Variants in ODAD2 observed in about 807,000 individuals in gnomAD.
ODAD2 encodes the protein outer dynein arm-docking complex subunit 2.
In ODAD2, 89 loss-of-function variants were observed where a neutral mutation model predicts 106.8. The ratio of observed to expected loss-of-function variants is 0.83; its 90% CI spans 0.70 to 0.99. ODAD2 has a LOEUF of 0.99. Among genes scored for constraint, ODAD2 ranks in the 50% least tolerant of loss-of-function variants. The pLI, the probability that ODAD2 is intolerant of heterozygous loss-of-function variation, is 0.00. For missense variants in ODAD2, 1,168 were observed against 1,238.5 expected (o/e 0.94, Z 0.85); for synonymous variants, 404 against 436.2 (o/e 0.93, Z 0.92).
At chr10:27,868,252 T>C (rs564896091) in intron 17 of ODAD2, among the ~76,000 whole-genome samples, 3 of 152,260 alleles carry the variant, frequency 2.0e-5, no homozygotes, top group Admixed American at 6.5e-5. Context: ...AGTTTAACCA[T>C]TGTGGAAGAC....
intron 19 of ODAD2, among the ~76,000 whole-genome samples, chr10:27,816,695 A>G (rs1168771262): frequency 6.6e-6 from 1 of 152,224 alleles, no homozygotes; most frequent in Non-Finnish European, 1.5e-5. Context: ...AGTATTGACA[A>G]GATCCATGGT....
chr10:27,846,493 C>A (rs1189069557), intron 19 of ODAD2, among the ~76,000 whole-genome samples: 1 of 151,148 alleles, frequency 6.6e-6, no homozygotes, highest in Non-Finnish European at 1.5e-5. Flanking sequence ...AATTGACACC[C>A]TAACATCACA....
chr10:27,899,383 G>A (rs1373824896), intron 17 of ODAD2, among the ~76,000 whole-genome samples: 1 of 152,064 alleles, frequency 6.6e-6, no homozygotes, highest in Non-Finnish European at 1.5e-5. Flanking sequence ...CAAAACTGGG[G>A]GGCCATTTCA....
chr10:27,960,636 C>T (rs1393096144), intron 10 of ODAD2, among the ~76,000 whole-genome samples: 1 of 152,022 alleles, frequency 6.6e-6, no homozygotes, highest in Non-Finnish European at 1.5e-5. Context: ...AGGTGTGAGC[C>T]ACTGCACCCT....
At chr10:27,904,964 A>C (rs945978350) in intron 17 of ODAD2, 4 of 152,282 alleles carry the variant, frequency 2.6e-5, no homozygotes, top group African/African-American at 9.7e-5. Context: ...TAACATAAAT[A>C]TTGTTTGTGT....
At chr10:27,831,789 T>C (rs12355412) in intron 19 of ODAD2, among the ~76,000 whole-genome samples, 108,444 of 152,210 alleles carry the variant, frequency 0.71, 38,767 homozygotes, top group Admixed American at 0.75. Context: ...TAGTCCCAGC[T>C]GTGTGTCTTT....
intron 6 of ODAD2, among the ~76,000 whole-genome samples, chr10:27,982,833 G>A (rs1219089304): frequency 6.6e-6 from 1 of 152,192 alleles, no homozygotes. Context: ...TCTGTGAATA[G>A]GGATGAGACT....
At chr10:27,948,434 T>C (rs943109561) in intron 10 of ODAD2, among the ~76,000 whole-genome samples, 4 of 152,206 alleles carry the variant, frequency 2.6e-5, no homozygotes, top group East Asian at 3.8e-4. Flanking sequence ...ATTCTTTAAA[T>C]ACCAGCTATG....
intron 19 of ODAD2, among the ~76,000 whole-genome samples, chr10:27,855,026 C>T (rs1839561762): frequency 6.6e-6 from 1 of 152,034 alleles, no homozygotes; most frequent in Non-Finnish European, 1.5e-5. Context: ...GGGCAGGAGA[C>T]AGGGATTATG....
At chr10:27,909,529 A>G (rs2133872401) in intron 16 of ODAD2, among the ~76,000 whole-genome samples, 1 of 152,184 alleles carries the variant, frequency 6.6e-6, no homozygotes, top group African/African-American at 2.4e-5. Context: ...TTAAAAGAAG[A>G]CTCAGGGGCG....
chr10:27,862,767 T>C (rs1840145487), intron 17 of ODAD2, 145 bp from the exon 18 acceptor site: 2 of 512,564 alleles, frequency 3.9e-6, no homozygotes, highest in Non-Finnish European at 6.7e-6. Context: ...ATATTATATA[T>C]TATTTCTACA....
At chr10:27,813,037 A>G (rs1209455036) in intron 19 of ODAD2, among the ~76,000 whole-genome samples, 3 of 152,206 alleles carry the variant, frequency 2.0e-5, no homozygotes, top group African/African-American at 7.2e-5. Flanking sequence ...ACCTCATTAT[A>G]TCAGTCACTT....
chr10:27,953,865 C>T (rs994394654), intron 10 of ODAD2, among the ~76,000 whole-genome samples: 4 of 152,026 alleles, frequency 2.6e-5, no homozygotes, highest in East Asian at 1.9e-4. Flanking sequence ...GGGAAGAATA[C>T]CACGTGCTTC....
In ODAD2 at chr10:27,984,124, T is replaced by C; in HGVS notation, c.682+60A>G. The stretch of plus-strand genomic sequence containing the variant: ...CTTGTAATGTAGACATTGAAAGCAT[T>C]TTGCAAATGTAATTATGAAAATGTA... On this transcript the variant is annotated intron_variant, in intron 5 of 19. Coordinates refer to ENST00000305242, the MANE Select transcript of ODAD2 (RefSeq NM_018076.5). 4 of 1,504,190 alleles carry C rather than the reference T, an allele frequency of 2.7e-6. No individual in the cohort carries two copies. In the South Asian group the frequency reaches 4.6e-5, roughly 17 times the overall value. The allele number at this position is 1,504,190 out of a possible 1,614,324, so 93.2% of individuals were successfully genotyped here. A position where few individuals can be genotyped will look rare whatever the true frequency, so the allele number is the denominator to read the frequency against.
At chr10:27,845,703 A>C (rs554518111) in intron 19 of ODAD2, among the ~76,000 whole-genome samples, 18 of 152,286 alleles carry the variant, frequency 1.2e-4, no homozygotes, top group South Asian at 8.3e-4. Flanking sequence ...CACACATAGG[A>C]TCAAAATAAA....
chr10:27,847,116 G>A (rs945755645), intron 19 of ODAD2, among the ~76,000 whole-genome samples: 2 of 151,332 alleles, frequency 1.3e-5, no homozygotes, highest in African/African-American at 4.9e-5. Flanking sequence ...CAGAGACACA[G>A]AAAAAAAAGA....
intron 19 of ODAD2, among the ~76,000 whole-genome samples, chr10:27,843,458 A>T (rs7908864): frequency 0.028 from 4,197 of 152,274 alleles, 187 homozygotes; most frequent in African/African-American, 0.097. Context: ...ATTACCTGAG[A>T]GGTAACTGTA....
At chr10:27,930,792 C>T (rs941957795) in intron 16 of ODAD2, among the ~76,000 whole-genome samples, 5 of 152,160 alleles carry the variant, frequency 3.3e-5, no homozygotes, top group Non-Finnish European at 7.4e-5. Context: ...TACAATCACA[C>T]AACAACCTGC....
chr10:27,940,504 C>T, intron 13 of ODAD2, 59 bp downstream of exon 13: 1 of 1,595,228 alleles, frequency 6.3e-7, no homozygotes, highest in Non-Finnish European at 8.6e-7. Context: ...TTAGAAACAA[C>T]TTTTGGACTA....
Sources: gnomAD v4.1 joint callset for allele counts (sites outside exome capture counted in the v4.1 genomes callset) on GRCh38, gnomAD v4.1.1 for gene constraint, MANE v1.5 for transcripts, NCBI Gene and HGNC (gene_info 2026-07-23, HGNC 2026-07-21) for gene names.